Variants in OXR1 observed in about 807,000 individuals in gnomAD.
OXR1 encodes oxidation resistance 1, also known as oxidation resistance protein 1.
Under a neutral mutation model 104.6 loss-of-function variants are expected in OXR1, and 41 were observed. That is an observed-to-expected ratio of 0.39 (90% CI 0.31 to 0.51). The LOEUF (loss-of-function observed/expected upper bound fraction) is 0.51, where lower values mean the gene tolerates loss of function less well. Ranked by LOEUF, OXR1 falls within the 20% of genes least tolerant of loss-of-function variation. The pLI, the probability that OXR1 is intolerant of heterozygous loss-of-function variation, is 0.77. For synonymous variants in OXR1, 348 were observed against 348.4 expected, an observed-to-expected ratio of 1.00 and a Z score of 0.01; for missense variants, 955 against 1,031.9, an observed-to-expected ratio of 0.93 and a Z score of 1.02.
At chr8:106,672,891 A>G (rs932611993) in intron 3 of OXR1, among the ~76,000 whole-genome samples, 1 of 152,148 alleles carries the variant, frequency 6.6e-6, no homozygotes, top group Non-Finnish European at 1.5e-5. Flanking sequence ...CTATGATTGT[A>G]AATTTCCTGA....
At chr8:106,336,024 A>G (rs1426097109) in intron 1 of OXR1, among the ~76,000 whole-genome samples, 1 of 152,202 alleles carries the variant, frequency 6.6e-6, no homozygotes, top group Non-Finnish European at 1.5e-5. Context: ...TGAACCCCGG[A>G]GGCAGAGGTT....
intron 2 of OXR1, among the ~76,000 whole-genome samples, chr8:106,417,316 A>C (rs866966713): frequency 2.6e-5 from 4 of 152,152 alleles, no homozygotes; most frequent in Non-Finnish European, 5.9e-5. Context: ...CAAATGTGAC[A>C]TGGTTATGAG....
intron 2 of OXR1, among the ~76,000 whole-genome samples, chr8:106,373,245 T>C (rs1816779405): frequency 6.6e-6 from 1 of 152,212 alleles, no homozygotes; most frequent in African/African-American, 2.4e-5. Flanking sequence ...TCATAGATAC[T>C]AAGGGATGGC....
chr8:106,430,767 G>T (rs1169804895), intron 2 of OXR1, among the ~76,000 whole-genome samples: 1 of 152,070 alleles, frequency 6.6e-6, no homozygotes, highest in Non-Finnish European at 1.5e-5. Context: ...AAATAATTTT[G>T]CAGTCTGCTT....
chr8:106,275,386 G>A (rs1811996493), intron 1 of OXR1, among the ~76,000 whole-genome samples: 1 of 152,182 alleles, frequency 6.6e-6, no homozygotes, highest in South Asian at 2.1e-4. Flanking sequence ...TAGCCACAGT[G>A]GTAGAAGACA....
At chr8:106,352,670 T>C (rs887632727) in intron 1 of OXR1, among the ~76,000 whole-genome samples, 2 of 152,186 alleles carry the variant, frequency 1.3e-5, no homozygotes, top group East Asian at 3.9e-4. Context: ...ATATGTGTAT[T>C]GATGGGGAAA....
chr8:106,440,555 A>G (rs978378728), intron 2 of OXR1, among the ~76,000 whole-genome samples: 2 of 152,100 alleles, frequency 1.3e-5, no homozygotes, highest in African/African-American at 4.8e-5. Flanking sequence ...TCAAAATTTC[A>G]TTGTTAAACC....
At chr8:106,660,541 A>G (rs1433160073) in intron 3 of OXR1, among the ~76,000 whole-genome samples, 1 of 152,294 alleles carries the variant, frequency 6.6e-6, no homozygotes, top group East Asian at 1.9e-4. Flanking sequence ...GTTGTTAGTG[A>G]TCTTATTCCT....
At chr8:106,399,578 A>G (rs536014693) in intron 2 of OXR1, among the ~76,000 whole-genome samples, 1 of 152,312 alleles carries the variant, frequency 6.6e-6, no homozygotes, top group African/African-American at 2.4e-5. Context: ...CCCTCTCTGA[A>G]GTATTATATG....
chr8:106,392,376 T>G (rs1817618372), intron 2 of OXR1, among the ~76,000 whole-genome samples: 1 of 152,120 alleles, frequency 6.6e-6, no homozygotes, highest in Admixed American at 6.6e-5. Flanking sequence ...CTTTAACACA[T>G]CTAAGTAAAG....
intron 2 of OXR1, among the ~76,000 whole-genome samples, chr8:106,422,737 A>C (rs1337170512): frequency 6.6e-6 from 1 of 152,142 alleles, no homozygotes; most frequent in Non-Finnish European, 1.5e-5. Flanking sequence ...CCATATTTGC[A>C]GATTCAAAAA....
chr8:106,706,435 G>T lies in OXR1; in HGVS notation c.914G>T (p.Gly305Val). ...TTCTGCCATTCAAAGAAAATGACAG[G>T]AAGTAACACTGAGGAAATAGACTCA... ...RDFCHSKKMT[G>V]SNTEEIDSRI... is the part of the protein sequence containing the mutation. Residue 305 changes from glycine to valine, a missense_variant, in exon 9 of 17, where the codon GGA becomes GTA. Physicochemically the swap from Gly to Val is moderately radical, Grantham distance 109. Around this residue, in one of 2 missense-constraint regions of OXR1, gnomAD observed 849 missense variants for 852.9 expected, o/e 1.00. Coordinates refer to ENST00000517566, the MANE Select transcript of OXR1 (RefSeq NM_001198533.2). The T allele has an allele frequency of 6.3e-7, 1 of 1,596,226 alleles. No individual in the cohort carries two copies. The highest frequency in any genetic ancestry group is 8.5e-7 in the Non-Finnish European group (1 of 1,175,018).
intron 1 of OXR1, among the ~76,000 whole-genome samples, chr8:106,334,283 A>G (rs1814859253): frequency 6.6e-6 from 1 of 152,210 alleles, no homozygotes; most frequent in African/African-American, 2.4e-5. Context: ...GTATGGAAAT[A>G]CAACTGAACT....
intron 1 of OXR1, among the ~76,000 whole-genome samples, chr8:106,315,069 GTTTA>G (rs1813873355): frequency 6.6e-6 from 1 of 151,810 alleles, no homozygotes; most frequent in African/African-American, 2.4e-5. Flanking sequence ...TCGAGTGGGC[GTTTA>G]TTTGAGAGGC....
At position 106,678,723 on chromosome 8, in the gene OXR1, G is replaced by A. The variant is rs1056271623; in HGVS notation, c.221-487G>A. Among the ~76,000 whole-genome samples the A allele has an allele frequency of 8.6e-5, 13 of 152,036 alleles. No individual in the cohort carries two copies. In the East Asian group the frequency reaches 2.5e-3, roughly 29 times the overall value. On this transcript the variant is annotated intron_variant, in intron 3 of 16. Transcript: ENST00000517566. ...CACACCTTGATTTACTTCATGGCAT[G>A]TTAATATGAAAGTTCATAATTTAAT...
intron 2 of OXR1, among the ~76,000 whole-genome samples, chr8:106,505,382 T>C (rs1005030838): frequency 6.6e-6 from 1 of 152,200 alleles, no homozygotes; most frequent in African/African-American, 2.4e-5. Context: ...AAGCACTGTA[T>C]TGGATACATA....
intron 1 of OXR1, among the ~76,000 whole-genome samples, chr8:106,327,713 A>G (rs1004097361): frequency 2.6e-5 from 4 of 152,314 alleles, no homozygotes; most frequent in African/African-American, 9.6e-5. Context: ...TTCTTAAAGG[A>G]ATACTCATTT....
intron 2 of OXR1, among the ~76,000 whole-genome samples, chr8:106,482,502 T>C (rs1586700439): frequency 6.6e-6 from 1 of 151,854 alleles, no homozygotes; most frequent in African/African-American, 2.4e-5. Flanking sequence ...TCTGAACGAC[T>C]ATTTCTTCAT....
chr8:106,603,319 T>C (rs1820112588), intron 3 of OXR1, among the ~76,000 whole-genome samples: 1 of 152,218 alleles, frequency 6.6e-6, no homozygotes, highest in African/African-American at 2.4e-5. Context: ...TGTCCTTATA[T>C]ACAAATCAGC....
Sources: gnomAD v4.1 joint callset for allele counts (sites outside exome capture counted in the v4.1 genomes callset) on GRCh38, gnomAD v4.1.1 for gene constraint, gnomAD v4.1.1 regional missense constraint, MANE v1.5 for transcripts, NCBI Gene and HGNC (gene_info 2026-07-23, HGNC 2026-07-21) for gene names.